The following PEX10 variants were observed in gnomAD, a reference collection of about 807,000 sequenced individuals.
PEX10 encodes peroxisomal biogenesis factor 10.
PEX10 carries 32 observed loss-of-function variants against 38.0 expected under a neutral mutation model. The observed-to-expected ratio is 0.84, with a 90% CI of 0.63 to 1.13. The LOEUF (loss-of-function observed/expected upper bound fraction) is 1.13. PEX10 is among the 50% of genes most tolerant of loss of function. The pLI is 0.00. For synonymous variants in PEX10, 206 were observed against 207.3 expected, an observed-to-expected ratio of 0.99 and a Z score of 0.05; for missense variants, 483 against 457.7, an observed-to-expected ratio of 1.06 and a Z score of -0.51.
intron 1 of PEX10, among the ~76,000 whole-genome samples, chr1:2,411,240 T>TC (rs1201333695): frequency 1.2e-4 from 17 of 147,174 alleles, no homozygotes; most frequent in Admixed American, 6.7e-5. Flanking sequence ...CTTTTTTTTT[T>TC]TTTTTTTTTT....
At chr1:2,406,059 C>T (rs894242967) in intron 5 of PEX10, among the ~76,000 whole-genome samples, 5 of 152,056 alleles carry the variant, frequency 3.3e-5, no homozygotes, top group African/African-American at 9.7e-5. Context: ...GGGGCTCGGC[C>T]GGGAGGTTCC....
rs1643171325 is a variant in PEX10, at chr1:2,410,856, A to G, written c.113-405T>C. The G allele has an allele frequency of 2.2e-6, 1 of 459,288 alleles. No homozygotes were observed. The highest frequency in any genetic ancestry group is 2.3e-5 in the Admixed American group (1 of 42,638). The allele number at this position is 459,288 out of a possible 1,614,324, so 28.5% of individuals were successfully genotyped here. On this transcript the variant is annotated intron_variant, in intron 1 of 5. Transcript: ENST00000447513. The surrounding 1 kb of genome is among the most constrained non-coding windows in gnomAD (Gnocchi z 5.1). The stretch of plus-strand genomic sequence containing the variant: ...AATCTCAATTTGCTCATCTATCAGA[A>G]GAGTAATAAGTCCTACTTGGAGGGA...
In PEX10 at chr1:2,410,405, TGA is replaced by T. The variant is rs1384671249; in HGVS notation, c.157_158del (p.Ser53ArgfsTer67). 3.1e-6 allele frequency: 5 copies of T among 1,614,030 alleles called. No individual in the cohort carries two copies. Among genetic ancestry groups the T allele is most frequent in the African/African-American group, 1.3e-5 (1 of 74,946 alleles). On this transcript the variant is annotated frameshift_variant, in exon 2 of 6. Coordinates refer to ENST00000447513, the MANE Select transcript of PEX10 (RefSeq NM_002617.4). LOFTEE classifies it high-confidence loss of function. This position sits in a 1 kb window ranked among gnomAD's most constrained non-coding sequence, Gnocchi z 5.1. ...TGGTGAGGCCAAAGTAGGCCACATC[TGA>T]GAGCAGCTCAACCTCCTTCCTCCAC... ...LEWRKEVELL[S>X]DVAYFGLTTL...
In PEX10 at chr1:2,405,828, A is replaced by C. The variant is rs1418762869; in HGVS notation, c.919T>G (p.Cys307Gly). The stretch of plus-strand genomic sequence containing the variant: ...GGGAACTTCTCCCGGCAGAGGGGAC[A>C]CTCCGCCTGCGGAGAGGAGAAAGGG... ...ITAWCSSKAE[C>G]PLCREKFPPQ... The change falls in exon 6 of 6, where the codon TGT becomes GGT. Residue 307 changes from cysteine to glycine, a missense_variant. Physicochemically the swap from Cys to Gly is radical, Grantham distance 159. Coordinates refer to ENST00000447513, the MANE Select transcript of PEX10 (RefSeq NM_002617.4). 1 of 1,594,802 alleles carries C rather than the reference A, an allele frequency of 6.3e-7. No homozygotes were observed.
intron 4 of PEX10, 46 bp downstream of exon 4, chr1:2,406,674 A>G: frequency 1.2e-6 from 2 of 1,611,476 alleles, no homozygotes; most frequent in Non-Finnish European, 1.7e-6. Context: ...GTCCTTGTGA[A>G]GTGCCCAGGA....
upstream of PEX10, among the ~76,000 whole-genome samples, chr1:2,413,211 C>G (rs529798731): frequency 6.6e-6 from 1 of 152,224 alleles, no homozygotes; most frequent in Non-Finnish European, 1.5e-5. Context: ...CCCCCTGGTG[C>G]CCACGGGAGG....
At position 2,408,529 on chromosome 1, in the gene PEX10, G is replaced by A; in HGVS notation, c.523C>T (p.Gln175Ter). 1 of 1,612,852 alleles carries A rather than the reference G, an allele frequency of 6.2e-7. No homozygotes were observed. Among genetic ancestry groups the A allele is most frequent in the Non-Finnish European group, 8.5e-7 (1 of 1,179,998 alleles). Reference sequence around the variant, plus strand: ...TAAAACCAGGCAACATGTAGCCGCTGGAGGCAGGCGAGGCCCTGTCTGAGG... The same window carrying A: ...TAAAACCAGGCAACATGTAGCCGCTAGAGGCAGGCGAGGCCCTGTCTGAGG... Reference protein sequence around the residue: ...FVLRQGLACLQRLHVAWFYIH... With the variant: ...FVLRQGLACL The change falls in exon 3 of 6, where the codon CAG becomes TAG. Residue 175 changes from glutamine to a stop codon, truncating the protein, a stop_gained. Coordinates refer to ENST00000447513, the MANE Select transcript of PEX10 (RefSeq NM_002617.4). LOFTEE classifies it high-confidence loss of function.
In PEX10 at chr1:2,408,783, A is replaced by C. The variant is rs2100429899; in HGVS notation, c.269T>G (p.Leu90Arg). ...DPSRIHVPSS[L>R]RRGVLVTLHA... is the part of the protein sequence containing the mutation. ...CAGTGTCACCAGCACGCCACGGCGCAGCGAGGAGGGCACATGTATCCGCGA... is the reference window on the plus strand; with the variant it reads ...CAGTGTCACCAGCACGCCACGGCGCCGCGAGGAGGGCACATGTATCCGCGA... The change falls in exon 3 of 6, where the codon CTG (leucine) becomes CGG (arginine). Residue 90 changes from leucine to arginine, a missense_variant. Coordinates refer to ENST00000447513, the MANE Select transcript of PEX10 (RefSeq NM_002617.4). 6.2e-7 allele frequency: 1 copy of C among 1,614,010 alleles called. No homozygotes were observed. Among genetic ancestry groups the C allele is most frequent in the Non-Finnish European group, 8.5e-7 (1 of 1,179,924 alleles).
chr1:2,410,435 C>T lies in PEX10; in HGVS notation c.129G>A (p.Leu43=), dbSNP rs1171823189. The change falls in exon 2 of 6, where the codon CTG becomes CTA. Residue 43 remains leucine (L), a synonymous_variant. Transcript: ENST00000447513. The surrounding 1 kb of genome is among the most constrained non-coding windows in gnomAD (Gnocchi z 5.1). The part of the protein sequence containing the change: ...LHSLAGARKW[L]EWRKEVELLS... ...GCAGCTCAACCTCCTTCCTCCACTC[C>T]AGCCACTTCCTCGCACCTGAGAGGA... 6.2e-7 allele frequency: 1 copy of T among 1,614,086 alleles called. No individual in the cohort carries two copies. The highest frequency in any genetic ancestry group is 8.5e-7 in the Non-Finnish European group (1 of 1,179,968).
chr1:2,412,604 A>G (rs1007033283), upstream of PEX10: 8 of 944,976 alleles, frequency 8.5e-6, no homozygotes, highest in African/African-American at 3.5e-5. Flanking sequence ...TGCGGCGCAG[A>G]CCTCTGCGTC....
upstream of PEX10, chr1:2,413,530 G>A (rs1046997791): frequency 6.5e-6 from 1 of 152,688 alleles, no homozygotes; most frequent in Non-Finnish European, 1.5e-5. Flanking sequence ...CAGGTCGCCT[G>A]CGGTGTCTGC....
intron 1 of PEX10, among the ~76,000 whole-genome samples, chr1:2,411,230 C>CTTTTTT (rs140273455): frequency 3.5e-4 from 40 of 113,994 alleles, no homozygotes; most frequent in South Asian, 6.1e-4. Context: ...ATGGCTTTGC[C>CTTTTTT]TTTTTTTTTT....
chr1:2,412,606 C>G, upstream of PEX10: 1 of 940,092 alleles, frequency 1.1e-6, no homozygotes, highest in Non-Finnish European at 1.4e-6. Flanking sequence ...CGGCGCAGAC[C>G]TCTGCGTCAA....
intron 3 of PEX10, among the ~76,000 whole-genome samples, chr1:2,407,595 C>T (rs1643052131): frequency 1.3e-5 from 2 of 152,216 alleles, no homozygotes. Context: ...CTCATCAAAT[C>T]CCTCACCAAC....
chr1:2,412,288 G>A (rs2100440642), intron 1 of PEX10, 103 bp downstream of exon 1: 6 of 1,250,012 alleles, frequency 4.8e-6, no homozygotes, highest in South Asian at 5.5e-5. Flanking sequence ...GTTGTGGGAC[G>A]GGCCCAGGCG....
Position 2,410,046 on chromosome 1 carries a change from C to T in PEX10, c.193+325G>A, listed in dbSNP as rs75668279. On this transcript the variant is annotated intron_variant, in intron 2 of 5. Transcript: ENST00000447513. This position sits in a 1 kb window ranked among gnomAD's most constrained non-coding sequence, Gnocchi z 5.1. ...ACTGCTCCACCAGGGCACTGTCACA[C>T]GGGCACTGCACCCTATGACATGGCT... is the stretch of plus-strand genomic sequence containing the variant. 386 of 373,254 alleles carry T rather than the reference C, an allele frequency of 1.0e-3. 3 individuals are homozygous for T. Among genetic ancestry groups the T allele is most frequent in the African/African-American group, 7.8e-3 (371 of 47,808 alleles). 23.1% of individuals were successfully genotyped at this position (373,254 alleles called of 1,614,324 possible). A position where few individuals can be genotyped will look rare whatever the true frequency, so the allele number is the denominator to read the frequency against.
chr1:2,408,912 G>C (rs1321088626), intron 2 of PEX10, 54 bp from the exon 3 acceptor site: 1 of 1,565,812 alleles, frequency 6.4e-7, no homozygotes, highest in East Asian at 2.3e-5. Flanking sequence ...GCGGGGACAG[G>C]CTCCCGGCGC....
chr1:2,405,787 G>C lies in PEX10; in HGVS notation c.960C>G (p.Ile320Met), dbSNP rs371260973. The stretch of plus-strand genomic sequence containing the variant: ...CGGCTCAGCGGTAGTGCCGAAGGTA[G>C]ATGAGCTTCTGGGGAGGGAACTTCT... ...CREKFPPQKL[I>M]YLRHYR Residue 320 changes from isoleucine to methionine, a missense_variant, in exon 6 of 6, where the codon ATC (isoleucine) becomes ATG (methionine). Transcript: ENST00000447513. 6.9e-6 allele frequency: 11 copies of C among 1,603,740 alleles called. No individual in the cohort carries two copies. The African/African-American group carries it at 1.3e-4, about 20-fold the overall frequency.
Position 2,405,780 on chromosome 1 carries a change from G to A in PEX10, c.967C>T (p.Arg323Trp), listed in dbSNP as rs148903253. The A allele has an allele frequency of 1.7e-4, 267 of 1,603,082 alleles. No homozygotes were observed. Among genetic ancestry groups the A allele is most frequent in the Non-Finnish European group, 2.1e-4 (250 of 1,175,224 alleles). ...KFPPQKLIYL[R>W]HYR ...CGGGCGCCGGCTCAGCGGTAGTGCC[G>A]AAGGTAGATGAGCTTCTGGGGAGGG... The change falls in exon 6 of 6, where the codon CGG becomes TGG. Residue 323 changes from arginine to tryptophan, a missense_variant. Arg to Trp is a moderately radical substitution (Grantham distance 101). Coordinates refer to ENST00000447513, the MANE Select transcript of PEX10 (RefSeq NM_002617.4).
Sources: allele counts gnomAD v4.1 joint callset (sites outside exome capture counted in the v4.1 genomes callset), GRCh38; gene constraint gnomAD v4.1.1; non-coding constraint Gnocchi (gnomAD v3.1); transcripts MANE v1.5; gene names NCBI Gene and HGNC (gene_info 2026-07-23, HGNC 2026-07-21).